Variants in HLCS observed in about 807,000 individuals in gnomAD.
The protein encoded by HLCS is holocarboxylase synthetase.
In HLCS, 53 loss-of-function variants were observed where a neutral mutation model predicts 75.0. The observed-to-expected ratio is 0.71, with a 90% confidence interval of 0.57 to 0.89. The LOEUF is 0.89. HLCS is among the 40% of genes least tolerant of loss of function. The pLI is 0.00. For missense variants in HLCS, 966 were observed against 1,074.0 expected, an observed-to-expected ratio of 0.90 and a Z score of 1.41; for synonymous variants, 431 against 428.6, an observed-to-expected ratio of 1.01 and a Z score of -0.07.
intron 6 of HLCS, among the ~76,000 whole-genome samples, chr21:36,862,762 T>C (rs902636455): frequency 2.6e-5 from 4 of 152,058 alleles, no homozygotes; most frequent in African/African-American, 9.7e-5. Context: ...ATGAGCCTTA[T>C]AGAGCCTACA....
rs1215828139 is a variant in HLCS, at chr21:36,888,444, AAATATATATATATATATATATATAT to A, written c.1892+8391_1892+8415del. 1.8e-3 allele frequency among the ~76,000 whole-genome samples: 46 copies of A among 25,518 alleles called. 1 individual carries two copies. Among genetic ancestry groups the A allele is most frequent in the South Asian group, 6.2e-3 (5 of 806 alleles). 16.7% of individuals were successfully genotyped at this position (25,518 alleles called of 152,430 possible). On this transcript the variant is annotated intron_variant, in intron 6 of 10. Coordinates refer to ENST00000674895, the MANE Select transcript of HLCS (RefSeq NM_001352514.2). The stretch of plus-strand genomic sequence containing the variant: ...CCCCCTTCCCATTTAAAAAAAAAAA[AAATATATATATATATATATATATAT>A]ATATATATATATATATATATATATA...
intron 6 of HLCS, among the ~76,000 whole-genome samples, chr21:36,797,483 A>C (rs1436833060): frequency 6.6e-6 from 1 of 152,174 alleles, no homozygotes; most frequent in Non-Finnish European, 1.5e-5. Context: ...AGAGGGGAGA[A>C]CTAATGATTA....
At position 36,881,734 on chromosome 21, in the gene HLCS, T is replaced by C. The variant is rs112086529; in HGVS notation, c.1892+15126A>G. Among the ~76,000 whole-genome samples the C allele has an allele frequency of 7.0e-3, 1,070 of 152,310 alleles. 16 individuals carry two copies. The highest frequency in any genetic ancestry group is 0.025 in the African/African-American group (1,043 of 41,566). ...GCCAGCTGGGCCTCAGTGTCCGTGT[T>C]GGAAGGACACTTCCAGCTTTGGTGG... On this transcript the variant is annotated intron_variant, in intron 6 of 10. Transcript: ENST00000674895.
At position 36,780,211 on chromosome 21, in the gene HLCS, G is replaced by A. The variant is rs146115697; in HGVS notation, c.1893-12926C>T. On this transcript the variant is annotated intron_variant, in intron 6 of 10. Transcript: ENST00000674895. ...CTGAGGCGGTGTTGCTAGTGCTGGG[G>A]AGCAGCTGCAAATAAGTTCATAGAG... is the stretch of plus-strand genomic sequence containing the variant. Among the ~76,000 whole-genome samples, 136 of 152,150 alleles carry A rather than the reference G, an allele frequency of 8.9e-4. 2 individuals carry two copies. In the East Asian group the frequency reaches 0.026, roughly 29 times the overall value.
Position 36,896,999 on chromosome 21 carries a change from G to T in HLCS, c.1753C>A (p.Pro585Thr). Residue 585 changes from proline (P) to threonine (T), a missense_variant, in exon 6 of 11, where the codon CCT becomes ACT. By Grantham distance (38) the Pro-to-Thr change is conservative. Coordinates refer to ENST00000674895, the MANE Select transcript of HLCS (RefSeq NM_001352514.2). ...AAGGCCTCCATGTTGGTCACCACAG[G>T]TATACAAGATGGGGTTATTTCTACT... is the stretch of plus-strand genomic sequence containing the variant. ...SEVEITPSCI[P>T]VVTNMEAFSS... The T allele has an allele frequency of 6.2e-7, 1 of 1,614,144 alleles. No individual in the cohort carries two copies. Among genetic ancestry groups the T allele is most frequent in the Non-Finnish European group, 8.5e-7 (1 of 1,180,030 alleles).
In HLCS at chr21:36,847,019, C is replaced by T. The variant is rs1569094150; in HGVS notation, c.1892+49841G>A. On this transcript the variant is annotated intron_variant, in intron 6 of 10. Transcript: ENST00000674895. ...CACAAAAAATCTAATTCATTTGCTG[C>T]ACTGCTTCAGCCATCCAGCTTAAAC... Among the ~76,000 whole-genome samples the T allele has an allele frequency of 2.6e-5, 4 of 152,196 alleles. No individual in the cohort carries two copies. The South Asian group carries it at 6.2e-4, about 24-fold the overall frequency.
rs1362815776 is a variant in HLCS, at chr21:36,842,867, G to T, written c.1892+53993C>A. 6.6e-6 allele frequency among the ~76,000 whole-genome samples: 1 copy of T among 152,186 alleles called. No individual in the cohort carries two copies. Among genetic ancestry groups the T allele is most frequent in the East Asian group, 1.9e-4 (1 of 5,190 alleles). ...TGAAAAATTCTGCAGACCTACGTCA[G>T]CCTAACCAGCAGGATGAGGGGCCCC... On this transcript the variant is annotated intron_variant, in intron 6 of 10. Coordinates refer to ENST00000674895, the MANE Select transcript of HLCS (RefSeq NM_001352514.2). The surrounding 1 kb of genome is among the most constrained non-coding windows in gnomAD (Gnocchi z 4.2).
At chr21:36,956,825 C>T (rs1012887257) in intron 2 of HLCS, among the ~76,000 whole-genome samples, 9 of 151,842 alleles carry the variant, frequency 5.9e-5, no homozygotes, top group Admixed American at 2.0e-4. Flanking sequence ...CTGAGGCGGG[C>T]AGATCACCTG....
At chr21:36,767,327 A>G in intron 6 of HLCS, 42 bp from the exon 7 acceptor site, 1 of 1,593,130 alleles carries the variant, frequency 6.3e-7, no homozygotes, top group Non-Finnish European at 8.6e-7. Flanking sequence ...AGACATGGAC[A>G]CGCCCGCGGC....
intron 6 of HLCS, among the ~76,000 whole-genome samples, chr21:36,844,179 G>A (rs2062715248): frequency 6.6e-6 from 1 of 152,110 alleles, no homozygotes; most frequent in South Asian, 2.1e-4. Context: ...TAGTGTAAAG[G>A]TGGATACGTA....
At chr21:36,773,287 C>T (rs1489053838) in intron 6 of HLCS, among the ~76,000 whole-genome samples, 1 of 152,242 alleles carries the variant, frequency 6.6e-6, no homozygotes, top group Non-Finnish European at 1.5e-5. Flanking sequence ...CAAGTGCAGG[C>T]AGCTTTCCCA....
intron 6 of HLCS, among the ~76,000 whole-genome samples, chr21:36,777,949 G>C (rs939116114): frequency 2.0e-5 from 3 of 152,108 alleles, no homozygotes; most frequent in African/African-American, 7.2e-5. Flanking sequence ...ATTCTTGCTT[G>C]AATCAATTAT....
At chr21:36,768,685 G>A (rs912235019) in intron 6 of HLCS, among the ~76,000 whole-genome samples, 12 of 152,330 alleles carry the variant, frequency 7.9e-5, no homozygotes, top group African/African-American at 2.4e-4. Context: ...GGCTGGCCTC[G>A]CCGCCCATGT....
chr21:36,865,123 C>T (rs903409338), intron 6 of HLCS, among the ~76,000 whole-genome samples: 8 of 151,712 alleles, frequency 5.3e-5, no homozygotes, highest in East Asian at 3.9e-4. Context: ...GGGTGGGGTG[C>T]GTGGCAGTGG....
At chr21:36,778,218 C>G (rs1173673331) in intron 6 of HLCS, among the ~76,000 whole-genome samples, 3 of 152,154 alleles carry the variant, frequency 2.0e-5, no homozygotes, top group Non-Finnish European at 4.4e-5. Flanking sequence ...ATCCGCCCAC[C>G]TCTGCCTCCC....
intron 6 of HLCS, among the ~76,000 whole-genome samples, chr21:36,833,614 T>TATATATATATATA (rs1569076054): frequency 1.4e-5 from 2 of 146,512 alleles, no homozygotes; most frequent in African/African-American, 5.1e-5. Context: ...TATATATATA[T>TATATATATATATA]TTGATTTGGA....
intron 5 of HLCS, among the ~76,000 whole-genome samples, chr21:36,926,120 A>T (rs2146473528): frequency 6.6e-6 from 1 of 152,260 alleles, no homozygotes; most frequent in South Asian, 2.1e-4. Context: ...TCAGTCTCTC[A>T]CCCACCAACA....
At chr21:36,778,113 C>A (rs1322751770) in intron 6 of HLCS, among the ~76,000 whole-genome samples, 1 of 151,644 alleles carries the variant, frequency 6.6e-6, no homozygotes, top group Admixed American at 6.6e-5. Context: ...GGACTACAGG[C>A]GCCCGCCACC....
intron 6 of HLCS, among the ~76,000 whole-genome samples, chr21:36,846,424 C>A (rs2062801942): frequency 6.6e-6 from 1 of 152,120 alleles, no homozygotes. Flanking sequence ...TCCAAGGGGC[C>A]TAGACTGGTG....
Sources: allele counts gnomAD v4.1 joint callset (sites outside exome capture counted in the v4.1 genomes callset), GRCh38; gene constraint gnomAD v4.1.1; non-coding constraint Gnocchi (gnomAD v3.1); transcripts MANE v1.5; gene names NCBI Gene and HGNC (gene_info 2026-07-23, HGNC 2026-07-21).